NPHP4: variants seen among roughly 807,000 people sequenced by gnomAD.
NPHP4 encodes the protein nephrocystin-4.
A neutral mutation model predicts 155.8 loss-of-function variants in NPHP4; 151 were observed. The ratio of observed to expected loss-of-function variants is 0.97; its 90% CI spans 0.85 to 1.11. The LOEUF is 1.11. Ranked by LOEUF, NPHP4 falls within the 50% of genes least tolerant of loss-of-function variation. The probability of loss-of-function intolerance (pLI) is 0.00; values close to 1 mark genes in which losing one functional copy is unlikely to be tolerated. For missense variants in NPHP4, 1,956 were observed against 1,925.7 expected, an observed-to-expected ratio of 1.02 and a Z score of -0.29; for synonymous variants, 845 against 816.8, an observed-to-expected ratio of 1.03 and a Z score of -0.59.
chr1:5,887,170 C>G, intron 18 of NPHP4, 116 bp downstream of exon 18: 1 of 988,630 alleles, frequency 1.0e-6, no homozygotes, highest in Non-Finnish European at 1.5e-6. Context: ...AGAATTCTCC[C>G]GGTTTCCTCC....
At chr1:5,952,319 T>C (rs968373368) in intron 7 of NPHP4, among the ~76,000 whole-genome samples, 7 of 152,320 alleles carry the variant, frequency 4.6e-5, no homozygotes, top group African/African-American at 1.7e-4. Flanking sequence ...GGTGATTTAG[T>C]TTACTTTAAA....
In NPHP4 at chr1:5,905,285, G is replaced by T. The variant is rs886046466; in HGVS notation, c.1955+7C>A. 1.9e-6 allele frequency: 3 copies of T among 1,607,686 alleles called. No individual in the cohort carries two copies. The highest frequency in any genetic ancestry group is 2.6e-6 in the Non-Finnish European group (3 of 1,174,090). On this transcript the variant is annotated splice_region_variant and intron_variant, in intron 15 of 29. Transcript: ENST00000378156. This position sits in a 1 kb window ranked among gnomAD's most constrained non-coding sequence, Gnocchi z 4.0. ...CCAGATGAGTAACAGAATATTCAAG[G>T]ATTTACCTGCTAAAGGCAAGAAACT...
Position 5,933,424 on chromosome 1 carries a change from A to G in NPHP4, c.1120-95T>C. Reference sequence around the variant, plus strand: ...GTGCTTTCATGTGTAAAATTCAACGAGAGCTCAGTGTAGCAAGGGGCAGGG... The same window carrying G: ...GTGCTTTCATGTGTAAAATTCAACGGGAGCTCAGTGTAGCAAGGGGCAGGG... On this transcript the variant is annotated intron_variant, in intron 9 of 29. Coordinates refer to ENST00000378156, the MANE Select transcript of NPHP4 (RefSeq NM_015102.5). 1.6e-5 allele frequency: 16 copies of G among 1,024,250 alleles called. No individual in the cohort carries two copies. The South Asian group carries it at 2.3e-4, about 14-fold the overall frequency. The allele number at this position is 1,024,250 out of a possible 1,614,324, so 63.4% of individuals were successfully genotyped here.
intron 2 of NPHP4, among the ~76,000 whole-genome samples, chr1:5,981,997 G>A (rs565755081): frequency 2.0e-5 from 3 of 152,108 alleles, no homozygotes; most frequent in South Asian, 4.1e-4. Context: ...TCTAGAATTC[G>A]TCTTATTTCT....
intron 10 of NPHP4, among the ~76,000 whole-genome samples, chr1:5,931,526 G>A (rs1454209013): frequency 6.6e-6 from 1 of 151,858 alleles, no homozygotes; most frequent in Non-Finnish European, 1.5e-5. Context: ...CTAAGGTCAG[G>A]AGTTCAAGAC....
At chr1:5,975,269 T>C (rs573701597) in intron 3 of NPHP4, among the ~76,000 whole-genome samples, 13 of 152,324 alleles carry the variant, frequency 8.5e-5, no homozygotes, top group African/African-American at 3.1e-4. Context: ...TGTATGAGAA[T>C]GCCAAGCACA....
intron 16 of NPHP4, among the ~76,000 whole-genome samples, chr1:5,899,526 C>CA (rs1373566317): frequency 2.0e-5 from 3 of 152,248 alleles, no homozygotes. Flanking sequence ...GAGGCCTCTG[C>CA]ATCCTGTTCC....
intron 9 of NPHP4, among the ~76,000 whole-genome samples, chr1:5,936,055 C>T (rs994189895): frequency 6.6e-6 from 1 of 152,132 alleles, no homozygotes; most frequent in African/African-American, 2.4e-5. Flanking sequence ...ATCTATACAA[C>T]TTCTAATTTT....
rs1643876772 is a variant in NPHP4, at chr1:5,887,343, G to A, written c.2428C>T (p.Pro810Ser). Residue 810 changes from proline (P) to serine (S), a missense_variant, in exon 18 of 30, where the codon CCC becomes TCC. Pro to Ser is a moderately conservative substitution (Grantham distance 74). Coordinates refer to ENST00000378156, the MANE Select transcript of NPHP4 (RefSeq NM_015102.5). ...GDMLGFGRVK[P>S]IGVHSVVKGR... ...TTCACCACCGAGTGGACGCCGATGG[G>A]CTTGACGCGGCCAAACCCCAGCATG... The A allele has an allele frequency of 1.9e-6, 3 of 1,613,444 alleles. No individual in the cohort carries two copies. The African/African-American group carries it at 4.0e-5, about 22-fold the overall frequency.
chr1:5,907,924 C>A (rs181607894), intron 12 of NPHP4, among the ~76,000 whole-genome samples: 1 of 152,190 alleles, frequency 6.6e-6, no homozygotes, highest in Non-Finnish European at 1.5e-5. Context: ...GAAATGAGTG[C>A]GGCTTAAAAC....
chr1:5,948,131 C>T lies in NPHP4; in HGVS notation c.931G>A (p.Asp311Asn), dbSNP rs1020747886. The T allele has an allele frequency of 3.7e-6, 6 of 1,613,706 alleles. No individual in the cohort carries two copies. The South Asian group carries it at 6.6e-5, about 18-fold the overall frequency. ...CTAGCTGAGCGCGTCAAGGCCACAT[C>T]CATCTCAGGCACCAGTACAACGACC... ...PQVVVLVPEMDVALTRSASFS... is the reference protein window; with the variant it reads ...PQVVVLVPEMNVALTRSASFS... Residue 311 changes from aspartate to asparagine, a missense_variant, in exon 8 of 30, where the codon GAT becomes AAT. Physicochemically the swap from Asp to Asn is conservative, Grantham distance 23. Transcript: ENST00000378156.
chr1:5,877,092 C>T lies in NPHP4; in HGVS notation c.2817+1G>A. 3 of 1,550,190 alleles carry T rather than the reference C, an allele frequency of 1.9e-6. No homozygotes were observed. The highest frequency in any genetic ancestry group is 2.6e-6 in the Non-Finnish European group (3 of 1,138,136). On this transcript the variant is annotated splice_donor_variant, in intron 20 of 29. Transcript: ENST00000378156. LOFTEE classifies it high-confidence loss of function. The stretch of plus-strand genomic sequence containing the variant: ...ACAGTGACAGCTGAACAAACCCTTA[C>T]CAACACGCTCGTCCCGCGCCGGCCC...
intron 9 of NPHP4, among the ~76,000 whole-genome samples, chr1:5,943,011 G>T (rs980802595): frequency 2.6e-5 from 4 of 152,176 alleles, no homozygotes; most frequent in Non-Finnish European, 5.9e-5. Context: ...CATTCAGTCA[G>T]CAAACATTTC....
chr1:5,907,273 C>A, intron 12 of NPHP4, 51 bp from the exon 13 acceptor site: 1 of 1,228,494 alleles, frequency 8.1e-7, no homozygotes, highest in South Asian at 1.5e-5. Flanking sequence ...GCCAGTCCGT[C>A]CACAAAGCTC....
At chr1:5,865,324 G>A (rs1641102028) in intron 26 of NPHP4, 51 bp from the exon 27 acceptor site, 1 of 1,440,310 alleles carries the variant, frequency 6.9e-7, no homozygotes. Flanking sequence ...CTCAGCACCG[G>A]CCCACGAGAG....
At chr1:5,884,927 C>G (rs914242023) in intron 18 of NPHP4, among the ~76,000 whole-genome samples, 4 of 148,472 alleles carry the variant, frequency 2.7e-5, no homozygotes, top group Middle Eastern at 3.8e-3. Context: ...CCGTCCTACT[C>G]GACAACCAAG....
At chr1:5,946,797 C>G (rs1223281458) in intron 9 of NPHP4, among the ~76,000 whole-genome samples, 1 of 152,190 alleles carries the variant, frequency 6.6e-6, no homozygotes, top group South Asian at 2.1e-4. Context: ...AAGTTTTCAT[C>G]AAAACCCAAA....
At position 5,891,035 on chromosome 1, in the gene NPHP4, A is replaced by G. The variant is rs1415308094; in HGVS notation, c.2144-7T>C. ...AGCTGGAAGCCAGGAGACCCTGTCA[A>G]AGAGGCACCAAAGGAGGCCAAAAGT... On this transcript the variant is annotated splice_polypyrimidine_tract_variant and splice_region_variant and intron_variant, in intron 16 of 29. Coordinates refer to ENST00000378156, the MANE Select transcript of NPHP4 (RefSeq NM_015102.5). 2 of 1,521,130 alleles carry G rather than the reference A, an allele frequency of 1.3e-6. No homozygotes were observed. The highest frequency in any genetic ancestry group is 2.3e-5 in the East Asian group (1 of 43,118). The allele number at this position is 1,521,130 out of a possible 1,614,324, so 94.2% of individuals were successfully genotyped here. A position where few individuals can be genotyped will look rare whatever the true frequency, so the allele number is the denominator to read the frequency against.
chr1:5,885,649 T>C (rs1643731674), intron 18 of NPHP4, among the ~76,000 whole-genome samples: 1 of 152,182 alleles, frequency 6.6e-6, no homozygotes, highest in African/African-American at 2.4e-5. Flanking sequence ...GACAGGAACA[T>C]GCACTGTGAA....
Sources: allele counts gnomAD v4.1 joint callset (sites outside exome capture counted in the v4.1 genomes callset), GRCh38; gene constraint gnomAD v4.1.1; non-coding constraint Gnocchi (gnomAD v3.1); transcripts MANE v1.5; gene names NCBI Gene and HGNC (gene_info 2026-07-23, HGNC 2026-07-21).